The following MMD2 variants were observed in gnomAD, a reference collection of about 807,000 sequenced individuals.
The protein encoded by MMD2 is monocyte to macrophage differentiation associated 2, also known as monocyte to macrophage differentiation factor 2.
MMD2 carries 30 observed loss-of-function variants against 33.5 expected under a neutral mutation model. That is an observed-to-expected ratio of 0.90 (90% confidence interval 0.67 to 1.22). The LOEUF (loss-of-function observed/expected upper bound fraction) is 1.22, where lower values mean the gene tolerates loss of function less well. Ranked by LOEUF, MMD2 falls within the 50% of genes most tolerant of loss-of-function variation. The pLI is 0.00. For synonymous variants in MMD2, 129 were observed against 123.0 expected (o/e 1.05, Z -0.32); for missense variants, 364 against 325.4 (o/e 1.12, Z -0.91).
chr7:4,937,035 CCA>C (rs1489630369), intron 1 of MMD2, among the ~76,000 whole-genome samples: 2 of 151,506 alleles, frequency 1.3e-5, no homozygotes, highest in African/African-American at 2.4e-5. Context: ...CATGCCCAGC[CCA>C]CACAGTCTTT....
At chr7:4,914,566 C>A (rs541689486) in intron 4 of MMD2, among the ~76,000 whole-genome samples, 214 of 152,242 alleles carry the variant, frequency 1.4e-3, no homozygotes, top group African/African-American at 5.0e-3. Context: ...TGTGACAATA[C>A]CCTCAGATAC....
chr7:4,959,144 G>T lies in MMD2; in HGVS notation c.-127C>A. ...CGGGGGCCAAGGGGACCTGGTCGGC[G>T]CCCGGAGCCGGAGCCGGAGCCCGAG... On this transcript the variant is annotated 5_prime_UTR_variant, in exon 1 of 7. Transcript: ENST00000401401. 1.4e-6 allele frequency: 1 copy of T among 716,458 alleles called. No individual in the cohort carries two copies. Among genetic ancestry groups the T allele is most frequent in the South Asian group, 7.0e-5 (1 of 14,354 alleles). 44.4% of individuals were successfully genotyped at this position (716,458 alleles called of 1,614,324 possible).
chr7:4,922,524 G>A (rs1474978888), intron 2 of MMD2, among the ~76,000 whole-genome samples: 1 of 152,102 alleles, frequency 6.6e-6, no homozygotes, highest in Non-Finnish European at 1.5e-5. Flanking sequence ...TTGGGGACAT[G>A]CTTCTCATTA....
chr7:4,958,886 G>A, intron 1 of MMD2, 85 bp downstream of exon 1: 2 of 1,169,220 alleles, frequency 1.7e-6, no homozygotes, highest in Non-Finnish European at 2.2e-6. Context: ...GGGCGGCGGG[G>A]CCCGAGAACC....
At chr7:4,900,121 T>G in the MMD2 span, among the ~76,000 whole-genome samples, 2 of 151,838 alleles carry the variant, frequency 1.3e-5, no homozygotes, top group African/African-American at 4.8e-5. Flanking sequence ...GGCCAACTGG[T>G]GAAATCCCAT....
rs1786096782 is a variant in MMD2, at chr7:4,946,728, C to T, written c.47+12243G>A. 6.6e-6 allele frequency among the ~76,000 whole-genome samples: 1 copy of T among 152,096 alleles called. No homozygotes were observed. Among genetic ancestry groups the T allele is most frequent in the Admixed American group, 6.6e-5 (1 of 15,250 alleles). On this transcript the variant is annotated intron_variant, in intron 1 of 6. Coordinates refer to ENST00000401401, the MANE Select transcript of MMD2 (RefSeq NM_198403.4). The surrounding 1 kb of genome is among the most constrained non-coding windows in gnomAD (Gnocchi z 5.0). ...ACCATATGGCCTATAATCCTCCTGG[C>T]CTTTCTTCCTTCTTATTTTTAGAGA...
chr7:4,907,662 A>G, intron 6 of MMD2, 63 bp from the exon 7 acceptor site: 3 of 1,558,834 alleles, frequency 1.9e-6, no homozygotes, highest in Non-Finnish European at 2.6e-6. Flanking sequence ...TGAAAGCACC[A>G]GCCAGTCCCC....
In MMD2 at chr7:4,956,816, G is replaced by A. The variant is rs115076257; in HGVS notation, c.47+2155C>T. On this transcript the variant is annotated intron_variant, in intron 1 of 6. Transcript: ENST00000401401. ...CAGAGCTCCTTCCCTTCATGTCCAC[G>A]TCGGCAGCCTTAAACCCAGGGTTTC... 2.8e-3 allele frequency among the ~76,000 whole-genome samples: 421 copies of A among 152,240 alleles called. 1 individual carries two copies. Among genetic ancestry groups the A allele is most frequent in the African/African-American group, 8.7e-3 (362 of 41,544 alleles).
intron 1 of MMD2, among the ~76,000 whole-genome samples, chr7:4,926,477 T>C (rs1409951219): frequency 6.6e-6 from 1 of 152,086 alleles, no homozygotes; most frequent in Non-Finnish European, 1.5e-5. Flanking sequence ...TTTTTACAGA[T>C]GCGTAGACCC....
intron 2 of MMD2, among the ~76,000 whole-genome samples, chr7:4,922,334 C>A (rs1785308738): frequency 6.6e-6 from 1 of 152,046 alleles, no homozygotes; most frequent in Admixed American, 6.6e-5. Flanking sequence ...CTTTGGGAGG[C>A]TGAAGCAGGT....
rs187897427 is a variant in MMD2 at position 4,955,339 on chromosome 7, G to T, written c.47+3632C>A. On this transcript the variant is annotated intron_variant, in intron 1 of 6. Coordinates refer to ENST00000401401, the MANE Select transcript of MMD2 (RefSeq NM_198403.4). ...TGGTTACTTACATCAAAGACTCTAG[G>T]TTAGAACCTAGGGGGTTAGCTGGCC... Among the ~76,000 whole-genome samples, 14 of 152,262 alleles carry T rather than the reference G, an allele frequency of 9.2e-5. No individual in the cohort carries two copies. In the East Asian group the frequency reaches 2.7e-3, roughly 29 times the overall value.
intron 1 of MMD2, among the ~76,000 whole-genome samples, chr7:4,948,528 A>C (rs1583400341): frequency 7.1e-6 from 1 of 140,036 alleles, no homozygotes; most frequent in South Asian, 2.2e-4. Flanking sequence ...CGTCTCACCG[A>C]AAAAAAAAAA....
intron 3 of MMD2, 95 bp from the exon 4 acceptor site, chr7:4,916,174 A>G (rs62451401): frequency 0.043 from 50,332 of 1,181,092 alleles, 1,436 homozygotes; most frequent in South Asian, 0.088. Flanking sequence ...GTGCCTGCCT[A>G]CAGGTTAGCA....
chr7:4,953,207 T>C (rs1339154509), intron 1 of MMD2, among the ~76,000 whole-genome samples: 1 of 151,712 alleles, frequency 6.6e-6, no homozygotes, highest in Non-Finnish European at 1.5e-5. Context: ...ATCACATAGT[T>C]ATTATCTGTT....
intron 1 of MMD2, among the ~76,000 whole-genome samples, chr7:4,929,547 C>T (rs1297310208): frequency 2.0e-5 from 3 of 150,174 alleles, no homozygotes; most frequent in East Asian, 2.0e-4. Context: ...TTTTTTGAGA[C>T]GGAGTCTTGC....
rs112688195 is a variant in MMD2 at position 4,927,544 on chromosome 7, A to T, written c.48-2012T>A. 3.9e-3 allele frequency among the ~76,000 whole-genome samples: 585 copies of T among 151,226 alleles called. 3 individuals carry two copies. Among genetic ancestry groups the T allele is most frequent in the African/African-American group, 0.013 (554 of 41,260 alleles). ...CGACAGAGTGAGACTCCATTTCAAAAATATATATATATATTAGCCAGGCGT... is the reference window on the plus strand; with the variant it reads ...CGACAGAGTGAGACTCCATTTCAAATATATATATATATATTAGCCAGGCGT... On this transcript the variant is annotated intron_variant, in intron 1 of 6. Coordinates refer to ENST00000401401, the MANE Select transcript of MMD2 (RefSeq NM_198403.4).
At chr7:4,936,922 G>C (rs1785757217) in intron 1 of MMD2, among the ~76,000 whole-genome samples, 2 of 151,318 alleles carry the variant, frequency 1.3e-5, no homozygotes, top group South Asian at 4.2e-4. Flanking sequence ...TTTTAGTAGA[G>C]ACGGGGTTTC....
chr7:4,917,729 A>C (rs1217745318), intron 3 of MMD2, among the ~76,000 whole-genome samples: 24 of 151,916 alleles, frequency 1.6e-4, no homozygotes, highest in Admixed American at 1.5e-3. Flanking sequence ...AATAAAAATA[A>C]ATAAATAAAC....
the MMD2 span, among the ~76,000 whole-genome samples, chr7:4,899,953 A>C: frequency 6.6e-6 from 1 of 152,154 alleles, no homozygotes; most frequent in Non-Finnish European, 1.5e-5. Flanking sequence ...CAGATGTGCA[A>C]AGAGAAAGTT....
Sources: gnomAD v4.1 joint callset for allele counts (sites outside exome capture counted in the v4.1 genomes callset) on GRCh38, gnomAD v4.1.1 for gene constraint, Gnocchi (gnomAD v3.1) non-coding constraint, MANE v1.5 for transcripts, NCBI Gene and HGNC (gene_info 2026-07-23, HGNC 2026-07-21) for gene names.